EPB41L2: variants seen among roughly 807,000 people sequenced by gnomAD.
EPB41L2 encodes erythrocyte membrane protein band 4.1 like 2, also known as band 4.1-like protein 2.
A neutral mutation model predicts 113.0 loss-of-function variants in EPB41L2; 43 were observed. The observed-to-expected ratio is 0.38, with a 90% CI of 0.30 to 0.49. The LOEUF is 0.49. EPB41L2 is among the 20% of genes least tolerant of loss of function. The pLI is 0.95. For synonymous variants in EPB41L2, 442 were observed against 436.7 expected (o/e 1.01, Z -0.15); for missense variants, 1,147 against 1,223.4 (o/e 0.94, Z 0.93).
At position 131,058,787 on chromosome 6, in the gene EPB41L2, G is replaced by A. The variant is rs1291500143; in HGVS notation, c.-15+4368C>T. Reference sequence around the variant, plus strand: ...TCCCAACACTTTGGGAGGCCAAGTCGGGTGGATCACTTGAGGTCAGGAGTT... The same window carrying A: ...TCCCAACACTTTGGGAGGCCAAGTCAGGTGGATCACTTGAGGTCAGGAGTT... On this transcript the variant is annotated intron_variant, in intron 1 of 19. Coordinates refer to ENST00000337057, the MANE Select transcript of EPB41L2 (RefSeq NM_001431.4). Among the ~76,000 whole-genome samples the A allele has an allele frequency of 2.6e-5, 4 of 152,166 alleles. No individual in the cohort carries two copies. In the South Asian group the frequency reaches 6.2e-4, roughly 24 times the overall value.
intron 18 of EPB41L2, chr6:130,858,478 A>T: frequency 2.3e-6 from 1 of 432,924 alleles, no homozygotes. Flanking sequence ...CACGTAGAGG[A>T]AACATGTTGG....
intron 1 of EPB41L2, among the ~76,000 whole-genome samples, chr6:131,037,537 AT>A (rs1236620938): frequency 1.3e-4 from 19 of 149,844 alleles, no homozygotes; most frequent in East Asian, 1.2e-3. Context: ...AATTATGGTA[AT>A]TTTTTTTTCA....
chr6:130,894,257 T>C, intron 10 of EPB41L2, 87 bp downstream of exon 10: 1 of 1,046,194 alleles, frequency 9.6e-7, no homozygotes, highest in Non-Finnish European at 1.5e-6. Context: ...TGGGGTCAAG[T>C]GATCCTCCCA....
At chr6:130,854,737 A>G (rs184929391) in intron 19 of EPB41L2, among the ~76,000 whole-genome samples, 1 of 152,348 alleles carries the variant, frequency 6.6e-6, no homozygotes. Context: ...TATCCTTAGA[A>G]TAAGTCCTAT....
intron 4 of EPB41L2, among the ~76,000 whole-genome samples, chr6:130,911,050 G>A (rs182828656): frequency 1.1e-4 from 16 of 152,168 alleles, no homozygotes; most frequent in African/African-American, 2.4e-4. Flanking sequence ...ATTATAAATC[G>A]TTCTTTTATA....
intron 19 of EPB41L2, among the ~76,000 whole-genome samples, chr6:130,843,212 T>C (rs78783110): frequency 0.048 from 7,238 of 152,254 alleles, 239 homozygotes; most frequent in East Asian, 0.12. Flanking sequence ...AGAGAAAAGA[T>C]AAAGACAGAA....
intron 1 of EPB41L2, among the ~76,000 whole-genome samples, chr6:130,989,799 G>A (rs1462823284): frequency 2.6e-5 from 4 of 152,134 alleles, no homozygotes; most frequent in Non-Finnish European, 5.9e-5. Context: ...GGAACGAAGT[G>A]GATAAATTCA....
intron 1 of EPB41L2, among the ~76,000 whole-genome samples, chr6:131,054,186 A>T (rs1797170937): frequency 6.6e-6 from 1 of 152,090 alleles, no homozygotes; most frequent in African/African-American, 2.4e-5. Context: ...GGTCGCACAC[A>T]CCTTGAGGGC....
At chr6:130,957,116 T>C (rs1817686700) in intron 1 of EPB41L2, among the ~76,000 whole-genome samples, 1 of 152,180 alleles carries the variant, frequency 6.6e-6, no homozygotes, top group African/African-American at 2.4e-5. Flanking sequence ...CAAAAGTTAA[T>C]CTTGGAAAAG....
At chr6:130,940,809 G>C (rs1810571351) in intron 3 of EPB41L2, among the ~76,000 whole-genome samples, 1 of 152,092 alleles carries the variant, frequency 6.6e-6, no homozygotes, top group Non-Finnish European at 1.5e-5. Flanking sequence ...TTTCTCCTCA[G>C]TGAAGACATG....
At chr6:130,942,429 TAGAAA>T (rs1203772925) in intron 3 of EPB41L2, among the ~76,000 whole-genome samples, 1 of 152,044 alleles carries the variant, frequency 6.6e-6, no homozygotes, top group Non-Finnish European at 1.5e-5. Context: ...CAGGAAGCAA[TAGAAA>T]AGAAATCAAA....
intron 9 of EPB41L2, among the ~76,000 whole-genome samples, chr6:130,894,709 T>G (rs1794051825): frequency 6.6e-6 from 1 of 152,174 alleles, no homozygotes; most frequent in Non-Finnish European, 1.5e-5. Flanking sequence ...TGATCACAAC[T>G]TAATTGATTC....
In EPB41L2 at chr6:130,867,485, T is replaced by G. The variant is rs1322331982; in HGVS notation, c.2704A>C (p.Lys902Gln). ...TGTGGAGACTCATATGTGATGGTTT[T>G]GGTCTCAGTTTGGACAATGGGGACT... ...KEVPIVQTET[K>Q]TITYESPQID... The change falls in exon 16 of 20, where the codon AAA becomes CAA. Residue 902 changes from lysine (K) to glutamine (Q), a missense_variant. Physicochemically the swap from Lys to Gln is moderately conservative, Grantham distance 53. Coordinates refer to ENST00000337057, the MANE Select transcript of EPB41L2 (RefSeq NM_001431.4). 1 of 1,614,064 alleles carries G rather than the reference T, an allele frequency of 6.2e-7. No homozygotes were observed. The highest frequency in any genetic ancestry group is 2.2e-5 in the East Asian group (1 of 44,866).
chr6:131,041,941 A>C (rs1406292735), intron 1 of EPB41L2, among the ~76,000 whole-genome samples: 1 of 152,220 alleles, frequency 6.6e-6, no homozygotes. Flanking sequence ...ATGTAACAAC[A>C]GTATTGTGGT....
chr6:130,860,914 G>T (rs1194303414), intron 18 of EPB41L2, among the ~76,000 whole-genome samples: 1 of 152,066 alleles, frequency 6.6e-6, no homozygotes, highest in Non-Finnish European at 1.5e-5. Context: ...CCTCTCCTTG[G>T]TATGGAGCTG....
chr6:130,863,299 G>T (rs2128434168), intron 18 of EPB41L2, among the ~76,000 whole-genome samples: 1 of 152,256 alleles, frequency 6.6e-6, no homozygotes, highest in African/African-American at 2.4e-5. Flanking sequence ...TCATTTTTTG[G>T]AAACTGGTGC....
Position 130,878,085 on chromosome 6 carries a change from C to A in EPB41L2, c.2043+19G>T. On this transcript the variant is annotated intron_variant, in intron 14 of 19. Transcript: ENST00000337057. ...AGCAACTGAAGTGAGACAGAGCCAACAAATAGCTAATGACATACCCCTTGT... is the reference window on the plus strand; with the variant it reads ...AGCAACTGAAGTGAGACAGAGCCAAAAAATAGCTAATGACATACCCCTTGT... 2 of 1,559,196 alleles carry A rather than the reference C, an allele frequency of 1.3e-6. No homozygotes were observed. The highest frequency in any genetic ancestry group is 1.7e-6 in the Non-Finnish European group (2 of 1,154,684).
At chr6:130,988,781 A>G (rs1311802322) in intron 1 of EPB41L2, among the ~76,000 whole-genome samples, 3 of 152,214 alleles carry the variant, frequency 2.0e-5, no homozygotes, top group Non-Finnish European at 2.9e-5. Context: ...AACAGGCAAG[A>G]TAAGTGCTAA....
intron 1 of EPB41L2, among the ~76,000 whole-genome samples, chr6:131,056,975 G>C (rs1239752066): frequency 6.6e-6 from 1 of 151,978 alleles, no homozygotes; most frequent in Non-Finnish European, 1.5e-5. Flanking sequence ...TAGGTAAATG[G>C]GGGTCAACTA....
Sources: allele counts gnomAD v4.1 joint callset (sites outside exome capture counted in the v4.1 genomes callset), GRCh38; gene constraint gnomAD v4.1.1; transcripts MANE v1.5; gene names NCBI Gene and HGNC (gene_info 2026-07-23, HGNC 2026-07-21).